BNC2: variants seen among roughly 807,000 people sequenced by gnomAD.
The protein encoded by BNC2 is zinc finger protein basonuclin-2.
Under a neutral mutation model 76.3 loss-of-function variants are expected in BNC2, and 20 were observed. The observed-to-expected ratio is 0.26, with a 90% CI of 0.18 to 0.38. BNC2 has a LOEUF of 0.38. Ranked by LOEUF, BNC2 falls within the 10% of genes least tolerant of loss-of-function variation. The pLI is 1.00. For synonymous variants in BNC2, 582 were observed against 514.8 expected (o/e 1.13, Z -1.77); for missense variants, 1,382 against 1,399.8 (o/e 0.99, Z 0.20).
chr9:16,706,039 A>T (rs1823660192), intron 3 of BNC2, among the ~76,000 whole-genome samples: 1 of 152,250 alleles, frequency 6.6e-6, no homozygotes, highest in South Asian at 2.1e-4. Context: ...ACTATTTTAA[A>T]AAGTATGTAT....
intron 3 of BNC2, among the ~76,000 whole-genome samples, chr9:16,610,942 T>C (rs908101098): frequency 6.6e-6 from 1 of 152,200 alleles, no homozygotes; most frequent in African/African-American, 2.4e-5. Context: ...ACAGCTCCTG[T>C]AATTACACTG....
At chr9:16,686,704 CCT>C (rs1822988733) in intron 3 of BNC2, among the ~76,000 whole-genome samples, 1 of 152,096 alleles carries the variant, frequency 6.6e-6, no homozygotes, top group Non-Finnish European at 1.5e-5. Context: ...AAGGTGCTTC[CCT>C]CTTTCTTTTC....
At chr9:16,862,014 T>C (rs1222554140) in intron 1 of BNC2, among the ~76,000 whole-genome samples, 2 of 150,676 alleles carry the variant, frequency 1.3e-5, no homozygotes, top group African/African-American at 4.9e-5. Flanking sequence ...AAAAGACACA[T>C]AACAAGTGTT....
chr9:16,710,589 T>C (rs1033965628), intron 3 of BNC2, among the ~76,000 whole-genome samples: 1 of 152,198 alleles, frequency 6.6e-6, no homozygotes, highest in African/African-American at 2.4e-5. Flanking sequence ...TATATGCATG[T>C]ATGCTTTTCA....
chr9:16,575,280 G>A (rs930621990), intron 4 of BNC2: 6 of 985,156 alleles, frequency 6.1e-6, no homozygotes, highest in East Asian at 1.1e-4. Context: ...CACCCGAAGC[G>A]GGATACAGCT....
intron 1 of BNC2, among the ~76,000 whole-genome samples, chr9:16,754,150 A>G (rs1825307232): frequency 6.6e-6 from 1 of 152,246 alleles, no homozygotes; most frequent in Admixed American, 6.5e-5. Flanking sequence ...GGTCTACAGA[A>G]TATTTCACAC....
intron 3 of BNC2, among the ~76,000 whole-genome samples, chr9:16,622,387 C>A (rs1309283563): frequency 6.6e-6 from 1 of 152,130 alleles, no homozygotes; most frequent in Non-Finnish European, 1.5e-5. Flanking sequence ...ACTTACTAAT[C>A]ATGATGAATA....
intron 1 of BNC2, among the ~76,000 whole-genome samples, chr9:16,779,974 C>G (rs950623147): frequency 6.6e-6 from 1 of 151,730 alleles, no homozygotes; most frequent in Non-Finnish European, 1.5e-5. Context: ...TGGTGGCTCA[C>G]GCCTGTGATC....
intron 5 of BNC2, among the ~76,000 whole-genome samples, chr9:16,518,910 T>C (rs928756861): frequency 1.4e-4 from 21 of 152,200 alleles, no homozygotes; most frequent in African/African-American, 5.1e-4. Flanking sequence ...CCTAAAGTCA[T>C]ATTTTAATAA....
chr9:16,763,803 A>C (rs1210520654), intron 1 of BNC2, among the ~76,000 whole-genome samples: 1 of 152,144 alleles, frequency 6.6e-6, no homozygotes, highest in African/African-American at 2.4e-5. Flanking sequence ...CACACCCCGC[A>C]AAAGAATGCT....
At chr9:16,519,457 G>A (rs1817548514) in intron 5 of BNC2, among the ~76,000 whole-genome samples, 1 of 152,192 alleles carries the variant, frequency 6.6e-6, no homozygotes, top group Non-Finnish European at 1.5e-5. Context: ...CTTTGGACAG[G>A]TAGAGACAAC....
chr9:16,803,281 G>C (rs1184590902), intron 1 of BNC2, among the ~76,000 whole-genome samples: 4 of 152,218 alleles, frequency 2.6e-5, no homozygotes, highest in African/African-American at 7.2e-5. Flanking sequence ...TCTGAGGACA[G>C]TGCTGAAATC....
intron 3 of BNC2, among the ~76,000 whole-genome samples, chr9:16,650,644 G>A (rs779933503): frequency 1.3e-5 from 2 of 151,850 alleles, no homozygotes; most frequent in Non-Finnish European, 1.5e-5. Context: ...CTATAAATAT[G>A]TAATACAGCT....
rs543051906 is a variant in BNC2, at chr9:16,750,158, C to T, written c.4-11673G>A. ...TTAAAGAATCTACGAGAACTGATACCTAAAATAATTTTAGCTCTAAGGGAA... is the reference window on the plus strand; with the variant it reads ...TTAAAGAATCTACGAGAACTGATACTTAAAATAATTTTAGCTCTAAGGGAA... On this transcript the variant is annotated intron_variant, in intron 1 of 6. Transcript: ENST00000380672. 1.1e-4 allele frequency among the ~76,000 whole-genome samples: 17 copies of T among 152,060 alleles called. No homozygotes were observed. In the South Asian group the frequency reaches 3.5e-3, roughly 32 times the overall value.
chr9:16,820,040 G>A (rs1055370694), intron 1 of BNC2, among the ~76,000 whole-genome samples: 2 of 128,458 alleles, frequency 1.6e-5, no homozygotes, highest in Non-Finnish European at 3.3e-5. Context: ...CAGGAGAATC[G>A]CTTGTGCCCA....
At chr9:16,793,864 T>TG (rs1233806578) in intron 1 of BNC2, among the ~76,000 whole-genome samples, 3 of 125,714 alleles carry the variant, frequency 2.4e-5, no homozygotes, top group Non-Finnish European at 4.9e-5. Flanking sequence ...GTTTTTGTTT[T>TG]TTTGTTTTTT....
At chr9:16,726,987 C>G (rs1207636809) in intron 3 of BNC2, 1 of 152,290 alleles carries the variant, frequency 6.6e-6, no homozygotes, top group Non-Finnish European at 1.5e-5. Flanking sequence ...GATTAATTAT[C>G]AGTAACCGAT....
chr9:16,511,759 G>T (rs59539237), intron 5 of BNC2, among the ~76,000 whole-genome samples: 13 of 152,010 alleles, frequency 8.6e-5, no homozygotes, highest in African/African-American at 3.1e-4. Flanking sequence ...CTAACTCCAG[G>T]GGCAGAAGAA....
chr9:16,454,165 T>C (rs1563790946), intron 5 of BNC2, among the ~76,000 whole-genome samples: 2 of 152,206 alleles, frequency 1.3e-5, no homozygotes, highest in East Asian at 1.9e-4. Flanking sequence ...CATTCTATTT[T>C]ATATCTATGT....
Sources: allele counts gnomAD v4.1 joint callset (sites outside exome capture counted in the v4.1 genomes callset), GRCh38; gene constraint gnomAD v4.1.1; transcripts MANE v1.5; gene names NCBI Gene and HGNC (gene_info 2026-07-23, HGNC 2026-07-21).